Variants in DDX42 observed in about 807,000 individuals in gnomAD.
DDX42 encodes ATP-dependent RNA helicase DDX42.
In DDX42, 22 loss-of-function variants were observed where a neutral mutation model predicts 101.5. The ratio of observed to expected loss-of-function variants is 0.22; its 90% CI spans 0.15 to 0.31. The LOEUF (loss-of-function observed/expected upper bound fraction) is 0.31, where lower values mean the gene tolerates loss of function less well. DDX42 is among the 10% of genes least tolerant of loss of function. The pLI is 1.00. For missense variants in DDX42, 849 were observed against 1,199.9 expected, an observed-to-expected ratio of 0.71 and a Z score of 4.32; for synonymous variants, 402 against 401.2, an observed-to-expected ratio of 1.00 and a Z score of -0.02.
At chr17:63,792,682 A>T in intron 3 of DDX42, 120 bp downstream of exon 3, 15 of 1,113,502 alleles carry the variant, frequency 1.3e-5, no homozygotes, top group Non-Finnish European at 1.8e-5. Context: ...TTTTTTGAGA[A>T]TTTTGCTCCA....
chr17:63,808,911 C>T lies in DDX42; in HGVS notation c.1115C>T (p.Ala372Val), dbSNP rs774201761. 1.9e-6 allele frequency: 3 copies of T among 1,613,990 alleles called. No individual in the cohort carries two copies. The highest frequency in any genetic ancestry group is 3.3e-5 in the Admixed American group (2 of 60,016). ...GGGSMWEQAK[A>V]LQEGAEIVVC... ...GGGAGTATGTGGGAGCAGGCCAAGG[C>T]CCTTCAGGAGGGGGCAGAGATTGTT... The change falls in exon 10 of 18, where the codon GCC becomes GTC. Residue 372 changes from alanine (A) to valine (V), a missense_variant. By Grantham distance (64) the Ala-to-Val change is moderately conservative. This residue lies in a region of DDX42 where 370 missense variants were observed against 608.8 expected (regional missense o/e 0.61). Coordinates refer to ENST00000389924, the MANE Select transcript of DDX42 (RefSeq NM_203499.3).
intron 6 of DDX42, among the ~76,000 whole-genome samples, chr17:63,804,599 C>T (rs1457296720): frequency 6.6e-6 from 1 of 152,204 alleles, no homozygotes; most frequent in East Asian, 1.9e-4. Context: ...TCTCTGTCCT[C>T]TGAGGTCTTT....
intron 1 of DDX42, among the ~76,000 whole-genome samples, chr17:63,776,762 A>G (rs2144515848): frequency 6.6e-6 from 1 of 151,552 alleles, no homozygotes; most frequent in African/African-American, 2.4e-5. Flanking sequence ...CACCACACAC[A>G]GCCTCTTACC....
intron 17 of DDX42, 194 bp downstream of exon 17, chr17:63,817,160 G>T: frequency 1.8e-6 from 1 of 545,566 alleles, no homozygotes; most frequent in Admixed American, 3.4e-5. Flanking sequence ...AGAACCCCTT[G>T]TGCTGGTCTA....
At position 63,810,502 on chromosome 17, in the gene DDX42, G is replaced by GT; in HGVS notation, c.1253-8dup. 1 of 1,613,620 alleles carries GT rather than the reference G, an allele frequency of 6.2e-7. No individual in the cohort carries two copies. Among genetic ancestry groups the GT allele is most frequent in the African/African-American group, 1.3e-5 (1 of 74,994 alleles). On this transcript the variant is annotated splice_polypyrimidine_tract_variant and intron_variant, in intron 11 of 17. Coordinates refer to ENST00000389924, the MANE Select transcript of DDX42 (RefSeq NM_203499.3). The stretch of plus-strand genomic sequence containing the variant: ...CAGGTTATAATAATTTTATTGTTCT[G>GT]TTTCTTGCAGAGTACCAAGTTCGAT...
intron 3 of DDX42, among the ~76,000 whole-genome samples, chr17:63,794,398 C>T (rs1047491229): frequency 4.0e-5 from 6 of 151,894 alleles, no homozygotes; most frequent in Non-Finnish European, 8.8e-5. Context: ...AAAATTTAGC[C>T]AGGCGTGGTG....
At chr17:63,803,811 G>A (rs964506733) in intron 6 of DDX42, among the ~76,000 whole-genome samples, 19 of 151,358 alleles carry the variant, frequency 1.3e-4, no homozygotes, top group African/African-American at 4.1e-4. Context: ...CACTACGCCC[G>A]GCTAATTTTT....
At chr17:63,807,360 C>T (rs1029216377) in intron 8 of DDX42, among the ~76,000 whole-genome samples, 1 of 152,186 alleles carries the variant, frequency 6.6e-6, no homozygotes, top group African/African-American at 2.4e-5. Context: ...AGGCTGGTCT[C>T]GAGCTCCTGA....
chr17:63,785,802 C>T (rs1218506410), intron 1 of DDX42, among the ~76,000 whole-genome samples: 3 of 152,152 alleles, frequency 2.0e-5, no homozygotes, highest in South Asian at 2.1e-4. Flanking sequence ...TCAATAAATA[C>T]ATGGTTCATA....
At chr17:63,778,707 C>A (rs2039450812) in intron 1 of DDX42, among the ~76,000 whole-genome samples, 1 of 151,822 alleles carries the variant, frequency 6.6e-6, no homozygotes, top group South Asian at 2.1e-4. Context: ...GTGGCACGAT[C>A]TCGGCTCACT....
At chr17:63,800,710 T>TA in intron 6 of DDX42, 93 bp downstream of exon 6, 1 of 1,467,412 alleles carries the variant, frequency 6.8e-7, no homozygotes, top group Non-Finnish European at 9.3e-7. Context: ...GGAATACTCT[T>TA]ACATCATGAG....
intron 10 of DDX42, among the ~76,000 whole-genome samples, 183 bp from the exon 11 acceptor site, chr17:63,809,377 G>A (rs569941128): frequency 7.9e-5 from 12 of 152,180 alleles, no homozygotes; most frequent in Non-Finnish European, 1.6e-4. Flanking sequence ...TGAAGATGCC[G>A]ATTGAGTTTT....
rs1359572609 is a variant in DDX42 at position 63,818,662 on chromosome 17, C to T, written c.*264C>T. On this transcript the variant is annotated 3_prime_UTR_variant, in exon 18 of 18. Coordinates refer to ENST00000389924, the MANE Select transcript of DDX42 (RefSeq NM_203499.3). The stretch of plus-strand genomic sequence containing the variant: ...TGTCATGTGGGTAAGTTGAGGTTAT[C>T]TTGGGATAAAGGGTCTTCTAGGGCA... 1 of 415,060 alleles carries T rather than the reference C, an allele frequency of 2.4e-6. No homozygotes were observed. Among genetic ancestry groups the T allele is most frequent in the Admixed American group, 3.8e-5 (1 of 26,178 alleles). The allele number at this position is 415,060 out of a possible 1,614,324, so 25.7% of individuals were successfully genotyped here. A position where few individuals can be genotyped will look rare whatever the true frequency, so the allele number is the denominator to read the frequency against.
intron 17 of DDX42, chr17:63,817,417 C>A: frequency 2.8e-6 from 1 of 357,690 alleles, no homozygotes; most frequent in South Asian, 6.2e-5. Context: ...GTTTTGAATG[C>A]AGATAAATGT....
Position 63,782,165 on chromosome 17 carries a change from C to G in DDX42, c.-16-4869C>G, listed in dbSNP as rs138748238. The stretch of plus-strand genomic sequence containing the variant: ...CGGTGGTGCGTGCTTGTAATCCCAG[C>G]TACTCGGGAGGCTGAGGCAGGAGAA... On this transcript the variant is annotated intron_variant, in intron 1 of 17. Coordinates refer to ENST00000389924, the MANE Select transcript of DDX42 (RefSeq NM_203499.3). 2.6e-3 allele frequency among the ~76,000 whole-genome samples: 400 copies of G among 152,198 alleles called. 2 individuals are homozygous for G. The highest frequency in any genetic ancestry group is 9.3e-3 in the African/African-American group (385 of 41,508).
At chr17:63,801,863 A>G (rs1166425899) in intron 6 of DDX42, among the ~76,000 whole-genome samples, 2 of 152,188 alleles carry the variant, frequency 1.3e-5, no homozygotes, top group Non-Finnish European at 2.9e-5. Context: ...TCCTTAAGGA[A>G]TGAGGACATC....
At chr17:63,786,928 G>A in intron 1 of DDX42, 106 bp from the exon 2 acceptor site, 3 of 1,088,152 alleles carry the variant, frequency 2.8e-6, no homozygotes, top group Non-Finnish European at 4.0e-6. Flanking sequence ...CACCTGCCTT[G>A]GCCTCCCAAA....
chr17:63,799,879 T>C (rs527727472), intron 5 of DDX42, among the ~76,000 whole-genome samples: 108 of 152,338 alleles, frequency 7.1e-4, no homozygotes, highest in African/African-American at 2.5e-3. Flanking sequence ...AGCTTGCTTC[T>C]TTTTAAATCC....
At chr17:63,814,714 G>T (rs2039955723) in intron 15 of DDX42, among the ~76,000 whole-genome samples, 1 of 132,252 alleles carries the variant, frequency 7.6e-6, no homozygotes, top group African/African-American at 2.9e-5. Flanking sequence ...TTCTGAGATG[G>T]AGTCACACTC....
Sources: gnomAD v4.1 joint callset for allele counts (sites outside exome capture counted in the v4.1 genomes callset) on GRCh38, gnomAD v4.1.1 for gene constraint, gnomAD v4.1.1 regional missense constraint, MANE v1.5 for transcripts, NCBI Gene and HGNC (gene_info 2026-07-23, HGNC 2026-07-21) for gene names.